The following FAM83B variants were observed in gnomAD, a reference collection of about 807,000 sequenced individuals.
FAM83B encodes protein FAM83B.
Under a neutral mutation model 38.8 loss-of-function variants are expected in FAM83B, and 26 were observed. The ratio of observed to expected loss-of-function variants is 0.67; its 90% confidence interval spans 0.49 to 0.93. FAM83B has a LOEUF of 0.93. FAM83B is among the 40% of genes least tolerant of loss of function. FAM83B has a pLI of 0.00. For synonymous variants in FAM83B, 419 were observed against 423.1 expected (o/e 0.99, Z 0.12); for missense variants, 1,237 against 1,197.3 (o/e 1.03, Z -0.49).
chr6:54,939,972 C>G lies in FAM83B; in HGVS notation c.1001C>G (p.Ser334Cys), dbSNP rs573481792. The G allele has an allele frequency of 1.9e-6, 3 of 1,614,000 alleles. No homozygotes were observed. The highest frequency in any genetic ancestry group is 2.2e-5 in the East Asian group (1 of 44,876). Residue 334 changes from serine to cysteine, a missense_variant, in exon 5 of 5, where the codon TCC (serine) becomes TGC (cysteine). Physicochemically the swap from Ser to Cys is moderately radical, Grantham distance 112 (BLOSUM62 -1). Coordinates refer to ENST00000306858, the MANE Select transcript of FAM83B (RefSeq NM_001010872.3). ...GRQDKIHKLD[S>C]SYFKNRGIYT... is the part of the protein sequence containing the mutation. ...CAAGACAAGATTCATAAACTAGATT[C>G]CAGTTACTTCAAAAACAGAGGGATA...
At chr6:54,898,244 GA>G (rs1270257181) in intron 2 of FAM83B, among the ~76,000 whole-genome samples, 4 of 152,128 alleles carry the variant, frequency 2.6e-5, no homozygotes, top group African/African-American at 9.7e-5. Flanking sequence ...GCTATTTTCT[GA>G]TGCTCTTCTC....
At chr6:54,918,039 T>C (rs957741984) in intron 2 of FAM83B, among the ~76,000 whole-genome samples, 3 of 152,164 alleles carry the variant, frequency 2.0e-5, no homozygotes, top group Non-Finnish European at 4.4e-5. Flanking sequence ...CTTCAACTTT[T>C]CTGTAGGTTT....
At chr6:54,906,893 G>A (rs1443752842) in intron 2 of FAM83B, among the ~76,000 whole-genome samples, 1 of 152,040 alleles carries the variant, frequency 6.6e-6, no homozygotes, top group Non-Finnish European at 1.5e-5. Context: ...GATACAGCAG[G>A]TATTATACAG....
intron 2 of FAM83B, among the ~76,000 whole-genome samples, chr6:54,898,792 A>G (rs1403702076): frequency 1.3e-5 from 2 of 152,116 alleles, no homozygotes; most frequent in Non-Finnish European, 2.9e-5. Context: ...TATTTTCTCT[A>G]TTCGCAGTGC....
At chr6:54,926,613 T>A in intron 3 of FAM83B, 78 bp downstream of exon 3, 1 of 1,146,182 alleles carries the variant, frequency 8.7e-7, no homozygotes, top group Non-Finnish European at 1.2e-6. Flanking sequence ...CATCTTAAGG[T>A]AGATGAATAT....
At chr6:54,883,054 C>T (rs1466162562) in intron 2 of FAM83B, among the ~76,000 whole-genome samples, 2 of 152,154 alleles carry the variant, frequency 1.3e-5, no homozygotes, top group African/African-American at 4.8e-5. Flanking sequence ...TCTCCTGCCT[C>T]AGCCTCCTGA....
intron 2 of FAM83B, among the ~76,000 whole-genome samples, chr6:54,879,965 G>A (rs1312667214): frequency 6.6e-6 from 1 of 152,154 alleles, no homozygotes; most frequent in African/African-American, 2.4e-5. Context: ...ACTTAATTCT[G>A]AATCTTAAGG....
intron 1 of FAM83B, among the ~76,000 whole-genome samples, chr6:54,864,904 CCCT>C (rs1173098066): frequency 2.0e-5 from 3 of 152,064 alleles, no homozygotes; most frequent in Non-Finnish European, 4.4e-5. Context: ...AGAATTTTTT[CCCT>C]CAATATATGA....
chr6:54,934,483 C>G (rs1001344240), intron 4 of FAM83B, among the ~76,000 whole-genome samples: 1 of 151,984 alleles, frequency 6.6e-6, no homozygotes, highest in African/African-American at 2.4e-5. Context: ...TTCAATGTTT[C>G]CAGAGAATAA....
At chr6:54,855,451 G>T (rs989787541) in intron 1 of FAM83B, among the ~76,000 whole-genome samples, 3 of 152,132 alleles carry the variant, frequency 2.0e-5, no homozygotes, top group Admixed American at 6.6e-5. Context: ...GCACTTATTT[G>T]TGTGATACTA....
chr6:54,849,987 C>T (rs1771234621), intron 1 of FAM83B, among the ~76,000 whole-genome samples: 1 of 152,118 alleles, frequency 6.6e-6, no homozygotes, highest in Admixed American at 6.5e-5. Context: ...TTTACACTAT[C>T]CCTTTGATTA....
At position 54,887,829 on chromosome 6, in the gene FAM83B, T is replaced by C. The variant is rs561220588; in HGVS notation, c.444+17139T>C. Among the ~76,000 whole-genome samples, 322 of 151,986 alleles carry C rather than the reference T, an allele frequency of 2.1e-3. 4 individuals are homozygous for C. The highest frequency in any genetic ancestry group is 2.8e-4 in the Non-Finnish European group (19 of 67,872). ...CACACACACTATACATTGTATGCTA[T>C]ATATTTTCATCCCTATATGTTCAAC... On this transcript the variant is annotated intron_variant, in intron 2 of 4. Coordinates refer to ENST00000306858, the MANE Select transcript of FAM83B (RefSeq NM_001010872.3).
Position 54,939,861 on chromosome 6 carries a change from G to A in FAM83B, c.890G>A (p.Gly297Glu). ...GAAGAATCAGCAAGGGTGAAGCATG[G>A]AAAAGCCCTCTGGGAAAATGGCACT... ...AQEESARVKH[G>E]KALWENGTYQ... The change falls in exon 5 of 5, where the codon GGA (glycine) becomes GAA (glutamate). Residue 297 changes from glycine to glutamate, a missense_variant. Gly to Glu is a moderately conservative substitution (Grantham distance 98). Transcript: ENST00000306858. The A allele has an allele frequency of 6.2e-7, 1 of 1,613,992 alleles. No individual in the cohort carries two copies. Among genetic ancestry groups the A allele is most frequent in the Non-Finnish European group, 8.5e-7 (1 of 1,179,960 alleles).
At chr6:54,888,010 T>C (rs1469617981) in intron 2 of FAM83B, among the ~76,000 whole-genome samples, 1 of 141,398 alleles carries the variant, frequency 7.1e-6, no homozygotes, top group Non-Finnish European at 1.5e-5. Flanking sequence ...TCTTTATTCC[T>C]TTTTTTGTTT....
rs796137406 is a variant in FAM83B, at chr6:54,870,468, C to A, written c.222C>A (p.Ser74Arg). 3.1e-6 allele frequency: 5 copies of A among 1,613,888 alleles called. No individual in the cohort carries two copies. The African/African-American group carries it at 5.3e-5, about 17-fold the overall frequency. ...ILKNVQKVAQ[S>R]TAHGTDDSCD... The stretch of plus-strand genomic sequence containing the variant: ...AAAATGTCCAGAAAGTTGCACAAAG[C>A]ACAGCACATGGTACTGATGATTCCT... The change falls in exon 2 of 5, where the codon AGC (serine) becomes AGA (arginine). Residue 74 changes from serine (S) to arginine (R), a missense_variant. Ser to Arg is a moderately radical substitution (Grantham distance 110, BLOSUM62 -1). Coordinates refer to ENST00000306858, the MANE Select transcript of FAM83B (RefSeq NM_001010872.3).
In FAM83B at chr6:54,944,741, G is replaced by A. The variant is rs1773766726; in HGVS notation, c.*2734G>A. The A allele has an allele frequency of 6.6e-6, 1 of 152,164 alleles. No individual in the cohort carries two copies. The highest frequency in any genetic ancestry group is 2.4e-5 in the African/African-American group (1 of 41,454). 9.4% of individuals were successfully genotyped at this position (152,164 alleles called of 1,614,324 possible). Reference sequence around the variant, plus strand: ...TGTTCTGCCTTATGCCTGTGGCTAAGGGATGCAAAGTAGAATTGCTTTACA... The same window carrying A: ...TGTTCTGCCTTATGCCTGTGGCTAAAGGATGCAAAGTAGAATTGCTTTACA... On this transcript the variant is annotated 3_prime_UTR_variant, in exon 5 of 5. Coordinates refer to ENST00000306858, the MANE Select transcript of FAM83B (RefSeq NM_001010872.3).
chr6:54,873,019 AT>A, intron 2 of FAM83B, among the ~76,000 whole-genome samples: 2 of 143,976 alleles, frequency 1.4e-5, no homozygotes, highest in East Asian at 2.0e-4. Flanking sequence ...TATTTATTTT[AT>A]TTTTTTTATT....
At chr6:54,861,007 G>A (rs1237641111) in intron 1 of FAM83B, among the ~76,000 whole-genome samples, 1 of 152,148 alleles carries the variant, frequency 6.6e-6, no homozygotes, top group African/African-American at 2.4e-5. Context: ...CATGACCTCA[G>A]GTGATCTGCT....
chr6:54,907,330 T>G (rs187664176), intron 2 of FAM83B, among the ~76,000 whole-genome samples: 1 of 152,256 alleles, frequency 6.6e-6, no homozygotes, highest in Admixed American at 6.5e-5. Context: ...ATCTCAATGA[T>G]TTAGAAGTAT....
Sources: gnomAD v4.1 joint callset for allele counts (sites outside exome capture counted in the v4.1 genomes callset) on GRCh38, gnomAD v4.1.1 for gene constraint, MANE v1.5 for transcripts, NCBI Gene and HGNC (gene_info 2026-07-23, HGNC 2026-07-21) for gene names.